A4GALT: variants seen among roughly 807,000 people sequenced by gnomAD.
The protein encoded by A4GALT is lactosylceramide 4-alpha-galactosyltransferase.
For missense variants in A4GALT, 512 were observed against 486.0 expected (o/e 1.05, Z -0.50); for synonymous variants, 257 against 220.7 (o/e 1.16, Z -1.46).
At chr22:42,699,889 C>A (rs28915372) in intron 1 of A4GALT, among the ~76,000 whole-genome samples, 2 of 152,090 alleles carry the variant, frequency 1.3e-5, no homozygotes, top group Non-Finnish European at 2.9e-5. Flanking sequence ...TGTGGGTGGG[C>A]CCCCAACCCT....
At chr22:42,702,575 G>A (rs1163900319) in intron 1 of A4GALT, among the ~76,000 whole-genome samples, 1 of 152,214 alleles carries the variant, frequency 6.6e-6, no homozygotes, top group African/African-American at 2.4e-5. Context: ...GACCTCGGGT[G>A]ATCCGCCCAC....
chr22:42,703,473 C>G (rs1248377727), intron 1 of A4GALT, among the ~76,000 whole-genome samples: 1 of 151,944 alleles, frequency 6.6e-6, no homozygotes, highest in Non-Finnish European at 1.5e-5. Context: ...CCAGGCTGGT[C>G]TTGAACTCCT....
chr22:42,704,655 G>A (rs890046527), intron 1 of A4GALT, among the ~76,000 whole-genome samples: 3 of 152,072 alleles, frequency 2.0e-5, no homozygotes, highest in African/African-American at 7.2e-5. Context: ...CTTGCTGTCT[G>A]GGTGGACGTT....
intron 1 of A4GALT, among the ~76,000 whole-genome samples, chr22:42,718,883 A>C (rs1569075103): frequency 6.6e-6 from 1 of 152,162 alleles, no homozygotes; most frequent in Non-Finnish European, 1.5e-5. Context: ...GAGGAGGTGC[A>C]CTTCAGAACT....
intron 1 of A4GALT, among the ~76,000 whole-genome samples, chr22:42,720,181 G>A (rs1029221337): frequency 2.0e-5 from 3 of 151,548 alleles, no homozygotes; most frequent in African/African-American, 7.3e-5. Context: ...GAGGCCGGGC[G>A]ACTCCAACCG....
At chr22:42,698,472 C>T (rs1931086983) in intron 1 of A4GALT, among the ~76,000 whole-genome samples, 1 of 152,214 alleles carries the variant, frequency 6.6e-6, no homozygotes, top group Admixed American at 6.5e-5. Flanking sequence ...AGGGCGCTAC[C>T]CCTCCAGCCC....
chr22:42,711,332 G>A (rs990500790), intron 1 of A4GALT, among the ~76,000 whole-genome samples: 2 of 152,168 alleles, frequency 1.3e-5, no homozygotes, highest in East Asian at 3.8e-4. Context: ...GAGCAAACAG[G>A]CATGCTCATA....
intron 1 of A4GALT, among the ~76,000 whole-genome samples, chr22:42,712,680 G>A (rs1300032863): frequency 6.6e-6 from 1 of 152,168 alleles, no homozygotes; most frequent in African/African-American, 2.4e-5. Context: ...AGGCCGAGGT[G>A]AGTGGATCAC....
At chr22:42,696,437 AAAAAAG>A (rs958102234) in intron 1 of A4GALT, among the ~76,000 whole-genome samples, 2 of 151,622 alleles carry the variant, frequency 1.3e-5, no homozygotes, top group African/African-American at 4.8e-5. Context: ...GAAAAAAAAA[AAAAAAG>A]AAAAAAGGAA....
In A4GALT at chr22:42,693,553, C is replaced by G; in HGVS notation, c.399G>C (p.Leu133=). The G allele has an allele frequency of 6.2e-7, 1 of 1,613,516 alleles. No homozygotes were observed. Among genetic ancestry groups the G allele is most frequent in the East Asian group, 2.2e-5 (1 of 44,858 alleles). Residue 133 remains leucine (L), a synonymous_variant, in exon 3 of 3, where the codon CTG becomes CTC. Coordinates refer to ENST00000642412, the MANE Select transcript of A4GALT (RefSeq NM_017436.7). ...SLPRHLGISL[L]SCFPNVQMLP... ...GCATCTGGACATTCGGGAAGCAGCT[C>G]AGAAGTGAGATGCCCAGGTGCCGGG...
intron 1 of A4GALT, among the ~76,000 whole-genome samples, chr22:42,717,120 C>A (rs937367122): frequency 2.0e-5 from 3 of 152,108 alleles, no homozygotes; most frequent in African/African-American, 7.2e-5. Context: ...GTCCTGTGGC[C>A]AACTGCACAG....
intron 1 of A4GALT, among the ~76,000 whole-genome samples, chr22:42,717,128 C>T (rs142786626): frequency 1.2e-3 from 176 of 152,286 alleles, no homozygotes; most frequent in Middle Eastern, 0.01. Context: ...GCCAACTGCA[C>T]AGCTGGAAGC....
intron 1 of A4GALT, among the ~76,000 whole-genome samples, chr22:42,700,504 CTGGA>C (rs1161098465): frequency 6.6e-6 from 1 of 152,156 alleles, no homozygotes; most frequent in African/African-American, 2.4e-5. Context: ...GTGACCACGA[CTGGA>C]TACTGCTGTG....
At chr22:42,700,164 C>G (rs1931204290) in intron 1 of A4GALT, among the ~76,000 whole-genome samples, 2 of 152,194 alleles carry the variant, frequency 1.3e-5, no homozygotes, top group African/African-American at 2.4e-5. Context: ...GCGCCCAGCG[C>G]AGCCCTCGTC....
At chr22:42,720,750 C>T (rs1443410283) in intron 1 of A4GALT, 47 bp downstream of exon 1, 1 of 151,850 alleles carries the variant, frequency 6.6e-6, no homozygotes, top group East Asian at 1.9e-4. Context: ...GCCGCAGGAT[C>T]CCCCTGGAGC....
chr22:42,714,118 C>CA (rs1921942753), intron 1 of A4GALT, among the ~76,000 whole-genome samples: 1 of 151,382 alleles, frequency 6.6e-6, no homozygotes, highest in African/African-American at 2.4e-5. Flanking sequence ...CACATCACTA[C>CA]AAAAAATAAA....
At chr22:42,714,677 G>A (rs1922010037) in intron 1 of A4GALT, among the ~76,000 whole-genome samples, 1 of 152,136 alleles carries the variant, frequency 6.6e-6, no homozygotes, top group Admixed American at 6.6e-5. Context: ...TCGGGAGGCT[G>A]AGAATCGCTT....
intron 1 of A4GALT, among the ~76,000 whole-genome samples, chr22:42,709,344 C>CA (rs71311459): frequency 0.16 from 17,897 of 111,780 alleles, 1,645 homozygotes; most frequent in African/African-American, 0.3. Flanking sequence ...TGTGCCAGGC[C>CA]AAAAAAAAAA....
chr22:42,703,143 T>TGTGTGTGTGTGTG (rs1555887019), intron 1 of A4GALT, among the ~76,000 whole-genome samples: 6 of 148,178 alleles, frequency 4.0e-5, no homozygotes, highest in Admixed American at 1.3e-4. Flanking sequence ...TGTGTGTGTG[T>TGTGTGTGTGTGTG]TGTCCCCACC....
Sources: gnomAD v4.1 joint callset for allele counts (sites outside exome capture counted in the v4.1 genomes callset) on GRCh38, gnomAD v4.1.1 for gene constraint, MANE v1.5 for transcripts, NCBI Gene and HGNC (gene_info 2026-07-23, HGNC 2026-07-21) for gene names.